The following GPC5 variants were observed in gnomAD, a reference collection of about 807,000 sequenced individuals.
The protein encoded by GPC5 is glypican-5.
GPC5 carries 47 observed loss-of-function variants against 53.9 expected under a neutral mutation model. The ratio of observed to expected loss-of-function variants is 0.87; its 90% CI spans 0.69 to 1.11. The LOEUF (loss-of-function observed/expected upper bound fraction) is 1.11. Ranked by LOEUF, GPC5 falls within the 50% of genes most tolerant of loss-of-function variation. GPC5 has a pLI of 0.00. For synonymous variants in GPC5, 286 were observed against 263.3 expected (o/e 1.09, Z -0.84); for missense variants, 748 against 713.1 (o/e 1.05, Z -0.56).
At chr13:91,914,403 TAA>T (rs1410420095) in intron 6 of GPC5, among the ~76,000 whole-genome samples, 4 of 152,140 alleles carry the variant, frequency 2.6e-5, no homozygotes, top group African/African-American at 9.6e-5. Flanking sequence ...ATAAGAGTAT[TAA>T]GTTTCTATTA....
intron 5 of GPC5, among the ~76,000 whole-genome samples, chr13:91,786,753 G>A (rs941707807): frequency 2.0e-5 from 3 of 152,098 alleles, no homozygotes; most frequent in Non-Finnish European, 2.9e-5. Context: ...CAGGATTGAA[G>A]TTCATTTGTT....
At chr13:92,077,798 T>C (rs1467270524) in intron 6 of GPC5, among the ~76,000 whole-genome samples, 3 of 152,022 alleles carry the variant, frequency 2.0e-5, no homozygotes, top group Admixed American at 6.6e-5. Flanking sequence ...AAAAGGAAAA[T>C]GAGCAAGAAG....
In GPC5 at chr13:92,422,885, C is replaced by A. The variant is rs569770481; in HGVS notation, c.1561+277896C>A. Reference sequence around the variant, plus strand: ...AAAGCTAGTTAGCTGGGCTGGGTCACCTACTTCTATTTTGAGAATTCTGTA... The same window carrying A: ...AAAGCTAGTTAGCTGGGCTGGGTCAACTACTTCTATTTTGAGAATTCTGTA... On this transcript the variant is annotated intron_variant, in intron 7 of 7. Transcript: ENST00000377067. Among the ~76,000 whole-genome samples the A allele has an allele frequency of 9.8e-5, 15 of 152,360 alleles. 1 individual carries two copies. The East Asian group carries it at 2.9e-3, about 29-fold the overall frequency.
intron 7 of GPC5, among the ~76,000 whole-genome samples, chr13:92,527,259 G>GAAAGAAAGAAAGAA (rs1566277309): frequency 8.1e-6 from 1 of 123,028 alleles, no homozygotes; most frequent in African/African-American, 4.1e-5. Context: ...GAGAAAGAAA[G>GAAAGAAAGAAAGAA]AAAGAAAGAA....
At chr13:92,787,657 C>T (rs1876289079) in intron 7 of GPC5, among the ~76,000 whole-genome samples, 1 of 93,514 alleles carries the variant, frequency 1.1e-5, no homozygotes, top group Admixed American at 1.2e-4. Flanking sequence ...ACAGAGAGAC[C>T]TCATAGCTAC....
chr13:91,435,064 C>G (rs1449966270), intron 1 of GPC5, among the ~76,000 whole-genome samples: 3 of 152,124 alleles, frequency 2.0e-5, no homozygotes, highest in Admixed American at 1.3e-4. Flanking sequence ...CTGAAGTTGC[C>G]TATCAGCTTA....
intron 7 of GPC5, among the ~76,000 whole-genome samples, chr13:92,718,503 A>G (rs1043266597): frequency 6.6e-6 from 1 of 152,144 alleles, no homozygotes; most frequent in East Asian, 1.9e-4. Context: ...AAATTAAACA[A>G]TCGAACTCAT....
At chr13:92,768,241 ACTT>A (rs1875480493) in intron 7 of GPC5, among the ~76,000 whole-genome samples, 1 of 152,172 alleles carries the variant, frequency 6.6e-6, no homozygotes, top group African/African-American at 2.4e-5. Flanking sequence ...TAAGTTTTGT[ACTT>A]TTTGGTGATT....
At chr13:91,407,434 GT>G (rs1877406917) in intron 1 of GPC5, among the ~76,000 whole-genome samples, 2 of 152,352 alleles carry the variant, frequency 1.3e-5, no homozygotes, top group Middle Eastern at 3.4e-3. Context: ...TTGCACAGCT[GT>G]TATCGTCATG....
intron 7 of GPC5, among the ~76,000 whole-genome samples, chr13:92,702,211 C>T (rs1032624046): frequency 6.6e-6 from 1 of 152,106 alleles, no homozygotes; most frequent in South Asian, 2.1e-4. Flanking sequence ...CCACAAGTAT[C>T]TTATGTTCTC....
At chr13:91,490,325 A>C (rs751397288) in intron 2 of GPC5, among the ~76,000 whole-genome samples, 16 of 152,220 alleles carry the variant, frequency 1.1e-4, no homozygotes, top group Non-Finnish European at 1.8e-4. Context: ...GACTGGACTC[A>C]GAAAAACAAG....
intron 5 of GPC5, among the ~76,000 whole-genome samples, chr13:91,900,519 G>A (rs976073893): frequency 7.2e-5 from 11 of 151,944 alleles, no homozygotes; most frequent in Non-Finnish European, 1.5e-4. Flanking sequence ...ATTGATTATA[G>A]TTATAATTGA....
chr13:92,765,460 A>G (rs1180096552), intron 7 of GPC5, among the ~76,000 whole-genome samples: 2 of 152,234 alleles, frequency 1.3e-5, no homozygotes, highest in East Asian at 1.9e-4. Context: ...TACTAAAAAG[A>G]ACTCTAAATC....
chr13:92,051,978 G>A (rs9523490), intron 6 of GPC5, among the ~76,000 whole-genome samples: 84,777 of 152,020 alleles, frequency 0.56, 23,970 homozygotes, highest in East Asian at 0.79. Flanking sequence ...AGCAAATAAA[G>A]TGCAAATGAT....
intron 7 of GPC5, among the ~76,000 whole-genome samples, chr13:92,770,034 C>G (rs1457366463): frequency 6.6e-6 from 1 of 152,138 alleles, no homozygotes; most frequent in Non-Finnish European, 1.5e-5. Flanking sequence ...ATTGCATGTT[C>G]CCTGTTTTCT....
intron 7 of GPC5, among the ~76,000 whole-genome samples, chr13:92,740,314 G>C (rs971151690): frequency 6.6e-6 from 1 of 151,906 alleles, no homozygotes; most frequent in African/African-American, 2.4e-5. Flanking sequence ...TCTGTCCTCT[G>C]ATTTTTCTCA....
intron 7 of GPC5, among the ~76,000 whole-genome samples, chr13:92,640,820 A>T (rs1235749779): frequency 6.6e-6 from 1 of 152,196 alleles, no homozygotes; most frequent in Non-Finnish European, 1.5e-5. Flanking sequence ...GTAATGATTA[A>T]ATAAAGTAGG....
chr13:91,507,961 C>G (rs1349717327), intron 2 of GPC5, among the ~76,000 whole-genome samples: 1 of 152,116 alleles, frequency 6.6e-6, no homozygotes, highest in Non-Finnish European at 1.5e-5. Context: ...CAATCTTAAA[C>G]AATGATACTA....
chr13:92,411,829 T>A (rs1036490757), intron 7 of GPC5, among the ~76,000 whole-genome samples: 4 of 152,136 alleles, frequency 2.6e-5, no homozygotes, highest in Non-Finnish European at 5.9e-5. Context: ...ATAGAGCTTG[T>A]ATATATGTAT....
Sources: allele counts gnomAD v4.1 joint callset (sites outside exome capture counted in the v4.1 genomes callset), GRCh38; gene constraint gnomAD v4.1.1; transcripts MANE v1.5; gene names NCBI Gene and HGNC (gene_info 2026-07-23, HGNC 2026-07-21).